NEMP2: variants seen among roughly 807,000 people sequenced by gnomAD.
NEMP2 encodes UPF0571 transmembrane protein.
A neutral mutation model predicts 54.2 loss-of-function variants in NEMP2; 53 were observed. That is an observed-to-expected ratio of 0.98 (90% CI 0.78 to 1.23). The LOEUF (loss-of-function observed/expected upper bound fraction) is 1.23, where lower values mean the gene tolerates loss of function less well. NEMP2 is among the 50% of genes most tolerant of loss of function. The probability of loss-of-function intolerance (pLI) is 0.00; values close to 1 mark genes in which losing one functional copy is unlikely to be tolerated. For missense variants in NEMP2, 455 were observed against 511.3 expected (o/e 0.89, Z 1.06); for synonymous variants, 197 against 190.3 (o/e 1.04, Z -0.29).
In NEMP2 at chr2:190,507,490, A is replaced by G. The variant is rs970676151; in HGVS notation, c.*1699T>C. The G allele has an allele frequency of 3.9e-5, 6 of 152,214 alleles. No homozygotes were observed. Among genetic ancestry groups the G allele is most frequent in the African/African-American group, 1.4e-4 (6 of 41,454 alleles). 9.4% of individuals were successfully genotyped at this position (152,214 alleles called of 1,614,324 possible). A position where few individuals can be genotyped will look rare whatever the true frequency, so the allele number is the denominator to read the frequency against. On this transcript the variant is annotated 3_prime_UTR_variant, in exon 9 of 9. Coordinates refer to ENST00000409150, the MANE Select transcript of NEMP2 (RefSeq NM_001142645.2). This position sits in a 1 kb window ranked among gnomAD's most constrained non-coding sequence, Gnocchi z 4.4. ...AGGCACTGATACATCTGATACATTT[A>G]TATCACCAATAAATATAATTTAAAA...
At chr2:190,489,644 A>G in the NEMP2 span, 2 of 847,432 alleles carry the variant, frequency 2.4e-6, no homozygotes, top group Admixed American at 2.9e-5. This position sits in a 1 kb window ranked among gnomAD's most constrained non-coding sequence, Gnocchi z 6.6. Context: ...ATACCCAACT[A>G]CTTTTCTCTG....
chr2:190,614,213 A>G, the NEMP2 span, among the ~76,000 whole-genome samples: 2 of 152,092 alleles, frequency 1.3e-5, no homozygotes, highest in Admixed American at 6.5e-5. This position sits in a 1 kb window ranked among gnomAD's most constrained non-coding sequence, Gnocchi z 5.7. Context: ...GGTTTGCAAA[A>G]AGGGAGAATT....
At chr2:190,497,447 A>G in the NEMP2 span, 2 of 1,613,510 alleles carry the variant, frequency 1.2e-6, no homozygotes, top group Admixed American at 1.7e-5. The surrounding 1 kb of genome is among the most constrained non-coding windows in gnomAD (Gnocchi z 5.2). Context: ...AGACAAGACA[A>G]TGTTGGCAGA....
At chr2:190,548,914 A>G in the NEMP2 span, among the ~76,000 whole-genome samples, 1 of 152,230 alleles carries the variant, frequency 6.6e-6, no homozygotes, top group South Asian at 2.1e-4. Context: ...TGATTTTTAT[A>G]ATAATCACTT....
At chr2:190,492,822 A>C in the NEMP2 span, among the ~76,000 whole-genome samples, 1 of 150,904 alleles carries the variant, frequency 6.6e-6, no homozygotes, top group East Asian at 1.9e-4. This position sits in a 1 kb window ranked among gnomAD's most constrained non-coding sequence, Gnocchi z 5.2. Context: ...ACCAAGCCAG[A>C]ACTACAAGAA....
At chr2:190,578,207 G>A in the NEMP2 span, among the ~76,000 whole-genome samples, 2 of 152,214 alleles carry the variant, frequency 1.3e-5, no homozygotes, top group Non-Finnish European at 2.9e-5. This position sits in a 1 kb window ranked among gnomAD's most constrained non-coding sequence, Gnocchi z 4.4. Context: ...AGGAAAACTT[G>A]CAACAGAATT....
the NEMP2 span, among the ~76,000 whole-genome samples, chr2:190,544,930 CAAA>C: frequency 1.2e-3 from 112 of 90,746 alleles, no homozygotes; most frequent in Middle Eastern, 0.013. Context: ...TCTACCCCCG[CAAA>C]AAAAAAAAAA....
chr2:190,461,142 T>C, the NEMP2 span, among the ~76,000 whole-genome samples: 1 of 152,222 alleles, frequency 6.6e-6, no homozygotes, highest in Non-Finnish European at 1.5e-5. This position sits in a 1 kb window ranked among gnomAD's most constrained non-coding sequence, Gnocchi z 5.5. Flanking sequence ...AGCTAGAATG[T>C]TGTATGGTTT....
the NEMP2 span, among the ~76,000 whole-genome samples, chr2:190,427,353 G>T: frequency 6.6e-6 from 1 of 152,230 alleles, no homozygotes; most frequent in African/African-American, 2.4e-5. Flanking sequence ...GCCTTTGATG[G>T]TGTGGGCAGG....
the NEMP2 span, among the ~76,000 whole-genome samples, chr2:190,423,839 G>A: frequency 6.6e-6 from 1 of 152,112 alleles, no homozygotes; most frequent in Non-Finnish European, 1.5e-5. This position sits in a 1 kb window ranked among gnomAD's most constrained non-coding sequence, Gnocchi z 4.3. Context: ...TCTTATAGAC[G>A]TGTAGTGATA....
chr2:190,484,925 T>C, the NEMP2 span, among the ~76,000 whole-genome samples: 1 of 152,184 alleles, frequency 6.6e-6, no homozygotes, highest in African/African-American at 2.4e-5. Flanking sequence ...AATTTTGTTT[T>C]TGTGCTTTAC....
the NEMP2 span, chr2:190,497,460 G>T: frequency 1.9e-6 from 3 of 1,613,802 alleles, no homozygotes; most frequent in African/African-American, 4.0e-5. The surrounding 1 kb of genome is among the most constrained non-coding windows in gnomAD (Gnocchi z 5.2). Context: ...TTGGCAGAAA[G>T]AATTCCTGTT....
rs1374993631 is a variant in NEMP2, at chr2:190,521,819, CT to C, written c.214-2637del. Among the ~76,000 whole-genome samples the C allele has an allele frequency of 6.6e-6, 1 of 152,156 alleles. No individual in the cohort carries two copies. Among genetic ancestry groups the C allele is most frequent in the Non-Finnish European group, 1.5e-5 (1 of 68,038 alleles). ...CTCCTTATTATACTTCTCCCTAGGGCTTCCAGGACATCTTCATTGTCCCTCC... is the reference window on the plus strand; with the variant it reads ...CTCCTTATTATACTTCTCCCTAGGGCTCCAGGACATCTTCATTGTCCCTCC... On this transcript the variant is annotated intron_variant, in intron 2 of 8. Transcript: ENST00000409150. This position sits in a 1 kb window ranked among gnomAD's most constrained non-coding sequence, Gnocchi z 6.2.
chr2:190,502,993 G>A (rs1690087848), downstream of NEMP2, among the ~76,000 whole-genome samples: 1 of 152,168 alleles, frequency 6.6e-6, no homozygotes, highest in Admixed American at 6.5e-5. This position sits in a 1 kb window ranked among gnomAD's most constrained non-coding sequence, Gnocchi z 4.4. Flanking sequence ...CACCCCAGGA[G>A]GCAGGGAGGC....
At chr2:190,424,038 C>T in the NEMP2 span, among the ~76,000 whole-genome samples, 1 of 152,084 alleles carries the variant, frequency 6.6e-6, no homozygotes, top group African/African-American at 2.4e-5. The surrounding 1 kb of genome is among the most constrained non-coding windows in gnomAD (Gnocchi z 5.9). Context: ...GAAACTAATC[C>T]TTCGCTGGAT....
chr2:190,647,178 T>A, the NEMP2 span, among the ~76,000 whole-genome samples: 1 of 152,224 alleles, frequency 6.6e-6, no homozygotes, highest in Non-Finnish European at 1.5e-5. Context: ...TTTCAGGAAT[T>A]AAGCAGACTT....
At chr2:190,431,105 C>G in the NEMP2 span, among the ~76,000 whole-genome samples, 1 of 140,370 alleles carries the variant, frequency 7.1e-6, no homozygotes, top group Non-Finnish European at 1.5e-5. This position sits in a 1 kb window ranked among gnomAD's most constrained non-coding sequence, Gnocchi z 4.4. Context: ...ACATCCCAGA[C>G]AGGGCGGCGG....
At chr2:190,594,128 C>T in the NEMP2 span, among the ~76,000 whole-genome samples, 2 of 152,174 alleles carry the variant, frequency 1.3e-5, no homozygotes, top group African/African-American at 2.4e-5. This position sits in a 1 kb window ranked among gnomAD's most constrained non-coding sequence, Gnocchi z 5.6. Context: ...CTTTTGTTCC[C>T]TGAATATAGT....
the NEMP2 span, among the ~76,000 whole-genome samples, chr2:190,566,578 A>G: frequency 1.3e-5 from 2 of 150,464 alleles, no homozygotes; most frequent in African/African-American, 2.4e-5. Context: ...CAGGAGTAAG[A>G]CTCTGTCTTA....
Sources: allele counts gnomAD v4.1 joint callset (sites outside exome capture counted in the v4.1 genomes callset), GRCh38; gene constraint gnomAD v4.1.1; non-coding constraint Gnocchi (gnomAD v3.1); transcripts MANE v1.5; gene names NCBI Gene and HGNC (gene_info 2026-07-23, HGNC 2026-07-21).